GYS2: variants seen among roughly 807,000 people sequenced by gnomAD.
GYS2 encodes the protein glycogen synthase 2, also known as glycogen [starch] synthase, liver.
Under a neutral mutation model 85.6 loss-of-function variants are expected in GYS2, and 80 were observed. The ratio of observed to expected loss-of-function variants is 0.93; its 90% CI spans 0.78 to 1.13. The LOEUF (loss-of-function observed/expected upper bound fraction) is 1.13, where lower values mean the gene tolerates loss of function less well. GYS2 is among the 50% of genes most tolerant of loss of function. The pLI is 0.00. For missense variants in GYS2, 881 were observed against 854.9 expected, an observed-to-expected ratio of 1.03 and a Z score of -0.38; for synonymous variants, 328 against 300.7, an observed-to-expected ratio of 1.09 and a Z score of -0.94.
Position 21,575,908 on chromosome 12 carries a change from A to G in GYS2, c.453T>C (p.Asp151=). 1 of 1,613,978 alleles carries G rather than the reference A, an allele frequency of 6.2e-7. No individual in the cohort carries two copies. Among genetic ancestry groups the G allele is most frequent in the Non-Finnish European group, 8.5e-7 (1 of 1,179,860 alleles). The stretch of plus-strand genomic sequence containing the variant: ...CAGTTAAAGATCCAAATATCAGCAT[A>G]TCATTGGCTTCTCGGTCATGATAAG... ...GIPYHDREAN[D]MLIFGSLTAW... is the part of the protein sequence containing the mutation. The change falls in exon 3 of 16, where the codon GAT becomes GAC. Residue 151 remains aspartate, a synonymous_variant. Coordinates refer to ENST00000261195, the MANE Select transcript of GYS2 (RefSeq NM_021957.4).
intron 1 of GYS2, among the ~76,000 whole-genome samples, chr12:21,584,746 A>G (rs186089787): frequency 2.6e-5 from 4 of 152,326 alleles, no homozygotes; most frequent in Non-Finnish European, 5.9e-5. Flanking sequence ...CTTACTCTGG[A>G]TATGGGTTTC....
At chr12:21,588,222 T>C (rs1017735283) in intron 1 of GYS2, among the ~76,000 whole-genome samples, 1 of 152,232 alleles carries the variant, frequency 6.6e-6, no homozygotes, top group Non-Finnish European at 1.5e-5. Flanking sequence ...TTTCAAAACA[T>C]ATTCCATTTC....
chr12:21,591,313 A>T (rs1371313754), intron 1 of GYS2, among the ~76,000 whole-genome samples: 2 of 152,152 alleles, frequency 1.3e-5, no homozygotes, highest in Non-Finnish European at 2.9e-5. Flanking sequence ...TGAACCAAAC[A>T]GAAATTCTGT....
chr12:21,565,129 G>GC (rs1944302295), intron 5 of GYS2, among the ~76,000 whole-genome samples: 1 of 151,812 alleles, frequency 6.6e-6, no homozygotes, highest in African/African-American at 2.4e-5. Flanking sequence ...AAAGTGTTAG[G>GC]CCAGTGAGGT....
At position 21,542,690 on chromosome 12, in the gene GYS2, A is replaced by G. The variant is rs73236799; in HGVS notation, c.1550-99T>C. 8.2e-3 allele frequency: 6,146 copies of G among 750,394 alleles called. 158 individuals are homozygous for G. Among genetic ancestry groups the G allele is most frequent in the African/African-American group, 0.07 (4,039 of 58,010 alleles). 46.5% of individuals were successfully genotyped at this position (750,394 alleles called of 1,614,324 possible). On this transcript the variant is annotated intron_variant, in intron 12 of 15. Transcript: ENST00000261195. ...AGGCCCTAGTCCTCCTAAGAATAGC[A>G]ATGTTCACTATGTGTCAGTCACAAC...
At chr12:21,550,676 C>T (rs970065297) in intron 11 of GYS2, among the ~76,000 whole-genome samples, 3 of 152,214 alleles carry the variant, frequency 2.0e-5, no homozygotes, top group African/African-American at 7.2e-5. Context: ...TACCGTGGCT[C>T]ACTGCTGTAA....
At chr12:21,593,543 T>C (rs1428482814) in intron 1 of GYS2, among the ~76,000 whole-genome samples, 1 of 151,990 alleles carries the variant, frequency 6.6e-6, no homozygotes, top group Non-Finnish European at 1.5e-5. Flanking sequence ...TCTGGACACA[T>C]ACCACCTACC....
chr12:21,552,068 A>T (rs1353752885), intron 11 of GYS2, among the ~76,000 whole-genome samples: 1 of 152,206 alleles, frequency 6.6e-6, no homozygotes, highest in African/African-American at 2.4e-5. Flanking sequence ...AGGAAGGGAT[A>T]TTAGAGGTCA....
chr12:21,539,835 C>T (rs1195460475), intron 14 of GYS2, among the ~76,000 whole-genome samples: 1 of 152,294 alleles, frequency 6.6e-6, no homozygotes, highest in Non-Finnish European at 1.5e-5. Context: ...CAGCAAATGG[C>T]AGCATCTCTC....
At chr12:21,592,635 A>G (rs990929128) in intron 1 of GYS2, among the ~76,000 whole-genome samples, 3 of 152,104 alleles carry the variant, frequency 2.0e-5, no homozygotes, top group African/African-American at 7.2e-5. Context: ...CCAGATATGT[A>G]AAGCAAATGT....
chr12:21,538,183 G>A (rs1283545523), intron 15 of GYS2, among the ~76,000 whole-genome samples: 2 of 152,168 alleles, frequency 1.3e-5, no homozygotes, highest in Admixed American at 1.3e-4. Flanking sequence ...AACTCTGAAT[G>A]CTAGAATCAT....
chr12:21,574,993 C>T (rs968749043), intron 3 of GYS2, among the ~76,000 whole-genome samples: 23 of 151,880 alleles, frequency 1.5e-4, no homozygotes, highest in Admixed American at 2.6e-4. Context: ...GACTTGAAAA[C>T]TCTAAAAGCA....
In GYS2 at chr12:21,571,750, C is replaced by T. The variant is rs1196573704; in HGVS notation, c.678+2394G>A. ...GGCTGAGGCGGGCGGATGACGAGCT[C>T]AGGAGATCGAGGCGATCCTGGCCAA... is the stretch of plus-strand genomic sequence containing the variant. On this transcript the variant is annotated intron_variant, in intron 4 of 15. Coordinates refer to ENST00000261195, the MANE Select transcript of GYS2 (RefSeq NM_021957.4). 2.0e-5 allele frequency among the ~76,000 whole-genome samples: 3 copies of T among 152,032 alleles called. No individual in the cohort carries two copies. The East Asian group carries it at 5.8e-4, about 29-fold the overall frequency.
intron 2 of GYS2, among the ~76,000 whole-genome samples, chr12:21,577,396 T>C (rs1374274786): frequency 2.6e-5 from 4 of 152,178 alleles, no homozygotes; most frequent in Non-Finnish European, 5.9e-5. Context: ...CCAATTGGCA[T>C]TGACCTCCAG....
At position 21,568,513 on chromosome 12, in the gene GYS2, T is replaced by C. The variant is rs1210168740; in HGVS notation, c.823+352A>G. On this transcript the variant is annotated intron_variant, in intron 5 of 15. Transcript: ENST00000261195. ...ATTACAAGATGTAGGACTGGGATAG[T>C]CTCACACAAATTTCTGTTTTCTTGG... Among the ~76,000 whole-genome samples, 3 of 152,168 alleles carry C rather than the reference T, an allele frequency of 2.0e-5. No homozygotes were observed. In the East Asian group the frequency reaches 5.8e-4, roughly 29 times the overall value.
intron 7 of GYS2, among the ~76,000 whole-genome samples, chr12:21,562,187 G>T (rs1944261669): frequency 6.6e-6 from 1 of 152,130 alleles, no homozygotes; most frequent in Non-Finnish European, 1.5e-5. Flanking sequence ...ACATGGTTGG[G>T]AGTAAGAACC....
intron 1 of GYS2, among the ~76,000 whole-genome samples, chr12:21,592,030 G>A (rs1944645034): frequency 6.6e-6 from 1 of 151,900 alleles, no homozygotes; most frequent in Non-Finnish European, 1.5e-5. Flanking sequence ...CTGCCATTAT[G>A]AAGACACACA....
chr12:21,575,678 C>T (rs879390109), intron 3 of GYS2, among the ~76,000 whole-genome samples, 188 bp downstream of exon 3: 1 of 152,006 alleles, frequency 6.6e-6, no homozygotes, highest in Non-Finnish European at 1.5e-5. Context: ...TAATAAGTAT[C>T]ATTATTACGC....
chr12:21,572,923 T>C (rs1179196493), intron 4 of GYS2, among the ~76,000 whole-genome samples: 2 of 152,322 alleles, frequency 1.3e-5, no homozygotes, highest in African/African-American at 2.4e-5. Flanking sequence ...GGAAGCATGG[T>C]TGTTGAGCTT....
Sources: gnomAD v4.1 joint callset for allele counts (sites outside exome capture counted in the v4.1 genomes callset) on GRCh38, gnomAD v4.1.1 for gene constraint, MANE v1.5 for transcripts, NCBI Gene and HGNC (gene_info 2026-07-23, HGNC 2026-07-21) for gene names.